FAF1: variants seen among roughly 807,000 people sequenced by gnomAD.
FAF1 encodes the protein FAS-associated factor 1.
In FAF1, 25 loss-of-function variants were observed where a neutral mutation model predicts 92.5. That is an observed-to-expected ratio of 0.27 (90% confidence interval 0.20 to 0.38). The LOEUF is 0.38. Among genes scored for constraint, FAF1 ranks in the 10% least tolerant of loss-of-function variants. FAF1 has a pLI of 1.00. For missense variants in FAF1, 636 were observed against 793.3 expected (o/e 0.80, Z 2.38); for synonymous variants, 234 against 273.2 (o/e 0.86, Z 1.42).
chr1:50,738,867 C>A lies in FAF1; in HGVS notation c.547G>T (p.Ala183Ser), dbSNP rs897084033. The part of the protein sequence containing the change: ...DLPPPSSSSH[A>S]GALQESLNQN... ...CAGGAAATATAAACAACTTACCCAG[C>A]ATGACTAGATGATGAAGGTGGTGGC... is the stretch of plus-strand genomic sequence containing the variant. The change falls in exon 6 of 19, where the codon GCT becomes TCT. Residue 183 changes from alanine (A) to serine (S), a missense_variant. Ala to Ser is a moderately conservative substitution (Grantham distance 99). Around this residue, in one of 2 missense-constraint regions of FAF1, gnomAD observed 317 missense variants for 342.4 expected, o/e 0.93. Coordinates refer to ENST00000396153, the MANE Select transcript of FAF1 (RefSeq NM_007051.3). 3.1e-6 allele frequency: 5 copies of A among 1,594,930 alleles called. No individual in the cohort carries two copies. The highest frequency in any genetic ancestry group is 4.3e-6 in the Non-Finnish European group (5 of 1,165,306).
intron 2 of FAF1, among the ~76,000 whole-genome samples, chr1:50,818,142 C>T (rs1021089473): frequency 1.3e-5 from 2 of 152,130 alleles, no homozygotes; most frequent in African/African-American, 4.8e-5. Flanking sequence ...TGAGTTTATA[C>T]ATAAATTATA....
chr1:50,647,313 T>G (rs944310640), intron 8 of FAF1, among the ~76,000 whole-genome samples: 1 of 152,218 alleles, frequency 6.6e-6, no homozygotes, highest in African/African-American at 2.4e-5. Flanking sequence ...CTGCTAAATG[T>G]TCAAACTGTT....
At chr1:50,644,465 T>C (rs541375357) in intron 8 of FAF1, among the ~76,000 whole-genome samples, 1 of 152,354 alleles carries the variant, frequency 6.6e-6, no homozygotes, top group East Asian at 1.9e-4. Context: ...CAGAGACTGG[T>C]ATTCAGCTAA....
chr1:50,846,714 C>T (rs1010936073), intron 2 of FAF1: 15 of 621,834 alleles, frequency 2.4e-5, no homozygotes, highest in Non-Finnish European at 4.0e-5. Flanking sequence ...GAGCACTTCT[C>T]CAAACGTAGA....
At chr1:50,694,910 C>T (rs556613112) in intron 7 of FAF1, among the ~76,000 whole-genome samples, 9 of 151,110 alleles carry the variant, frequency 6.0e-5, no homozygotes, top group Non-Finnish European at 1.3e-4. Flanking sequence ...TGCAGGGAGC[C>T]GACACAGTGC....
chr1:50,937,430 G>T (rs939368707), intron 1 of FAF1, among the ~76,000 whole-genome samples: 1 of 152,032 alleles, frequency 6.6e-6, no homozygotes. Flanking sequence ...CGCAGATTCT[G>T]TATAGGTCCA....
At chr1:50,574,594 C>T (rs1045807437) in intron 12 of FAF1, among the ~76,000 whole-genome samples, 4 of 152,136 alleles carry the variant, frequency 2.6e-5, no homozygotes, top group African/African-American at 7.2e-5. Flanking sequence ...GTGTACTCCT[C>T]GCCCCCACTT....
At chr1:50,822,300 C>T (rs145783351) in intron 2 of FAF1, among the ~76,000 whole-genome samples, 10 of 152,112 alleles carry the variant, frequency 6.6e-5, no homozygotes, top group Admixed American at 1.3e-4. Flanking sequence ...CTGGTCCAGA[C>T]GAAATTAAAC....
At chr1:50,954,571 T>C (rs1645249075) in intron 1 of FAF1, among the ~76,000 whole-genome samples, 1 of 146,308 alleles carries the variant, frequency 6.8e-6, no homozygotes, top group Non-Finnish European at 1.5e-5. Flanking sequence ...GAGAGAGTCT[T>C]ACGCTGTCAC....
chr1:50,863,249 C>A (rs1570068698), intron 1 of FAF1, among the ~76,000 whole-genome samples: 1 of 151,908 alleles, frequency 6.6e-6, no homozygotes, highest in Non-Finnish European at 1.5e-5. Context: ...ATTAAATAAT[C>A]CGCTCCTGAA....
chr1:50,828,014 T>C (rs1361542452), intron 2 of FAF1, among the ~76,000 whole-genome samples: 1 of 152,110 alleles, frequency 6.6e-6, no homozygotes, highest in African/African-American at 2.4e-5. Flanking sequence ...ACTGTAAATA[T>C]ATGTGAAGAT....
intron 1 of FAF1, among the ~76,000 whole-genome samples, chr1:50,934,130 T>TA (rs1269473471): frequency 3.9e-5 from 6 of 152,340 alleles, no homozygotes; most frequent in African/African-American, 1.4e-4. Flanking sequence ...GTGGTTGTTC[T>TA]CAGAATTACA....
Position 50,640,430 on chromosome 1 carries a change from C to G in FAF1, c.744+15012G>C, listed in dbSNP as rs540838770. On this transcript the variant is annotated intron_variant, in intron 8 of 18. Transcript: ENST00000396153. ...GCCCCAGCCTCCTGAGTAGCTGGGA[C>G]TACAGGCGCCCACCACCATACCCAG... Among the ~76,000 whole-genome samples the G allele has an allele frequency of 2.2e-3, 338 of 151,832 alleles. 3 individuals are homozygous for G. The highest frequency in any genetic ancestry group is 8.1e-3 in the African/African-American group (334 of 41,416).
At chr1:50,541,307 C>T (rs1314390505) in intron 13 of FAF1, among the ~76,000 whole-genome samples, 1 of 152,164 alleles carries the variant, frequency 6.6e-6, no homozygotes, top group Admixed American at 6.6e-5. Context: ...AATACACATT[C>T]AGAAGAGCAA....
intron 1 of FAF1, among the ~76,000 whole-genome samples, chr1:50,942,203 A>G (rs1162304820): frequency 6.6e-6 from 1 of 152,254 alleles, no homozygotes; most frequent in Non-Finnish European, 1.5e-5. Flanking sequence ...AGAGCCCAAC[A>G]GAAGGAAAAC....
intron 1 of FAF1, among the ~76,000 whole-genome samples, chr1:50,914,894 G>A (rs1451478444): frequency 3.3e-5 from 5 of 152,038 alleles, no homozygotes; most frequent in Admixed American, 3.3e-4. Flanking sequence ...CACCAGCCTA[G>A]ACTAAGCATG....
At chr1:50,461,715 C>T (rs1646433211) in intron 18 of FAF1, among the ~76,000 whole-genome samples, 1 of 151,990 alleles carries the variant, frequency 6.6e-6, no homozygotes, top group African/African-American at 2.4e-5. Flanking sequence ...TTTGGTAAAA[C>T]AGAAGACAAA....
intron 8 of FAF1, among the ~76,000 whole-genome samples, chr1:50,608,147 G>C (rs1449984352): frequency 6.6e-6 from 1 of 152,344 alleles, no homozygotes; most frequent in East Asian, 1.9e-4. Context: ...TGGTTATGCA[G>C]AAATTTCTAG....
chr1:50,441,516 T>C lies in FAF1; in HGVS notation c.1877A>G (p.Gln626Arg). ...LSTFPRRDVT[Q>R]LDPNKSLLEV... ...CAATAATGATTTATTTGGGTCCAGTTGAGTTACCTAAAAAGATGAAGAACA... is the reference window on the plus strand; with the variant it reads ...CAATAATGATTTATTTGGGTCCAGTCGAGTTACCTAAAAAGATGAAGAACA... Residue 626 changes from glutamine to arginine, a missense_variant, in exon 19 of 19, where the codon CAA becomes CGA. Physicochemically the swap from Gln to Arg is conservative, Grantham distance 43. This residue lies in a region of FAF1 where 319 missense variants were observed against 451.0 expected (regional missense o/e 0.71). Transcript: ENST00000396153. The C allele has an allele frequency of 6.5e-7, 1 of 1,538,832 alleles. No homozygotes were observed. Among genetic ancestry groups the C allele is most frequent in the Non-Finnish European group, 8.8e-7 (1 of 1,137,178 alleles).
Sources: allele counts gnomAD v4.1 joint callset (sites outside exome capture counted in the v4.1 genomes callset), GRCh38; gene constraint gnomAD v4.1.1; regional missense constraint gnomAD v4.1.1; transcripts MANE v1.5; gene names NCBI Gene and HGNC (gene_info 2026-07-23, HGNC 2026-07-21).